The following USP25 variants were observed in gnomAD, a reference collection of about 807,000 sequenced individuals.
The protein encoded by USP25 is ubiquitin specific peptidase 25.
In USP25, 85 loss-of-function variants were observed where a neutral mutation model predicts 158.5. The ratio of observed to expected loss-of-function variants is 0.54; its 90% CI spans 0.45 to 0.64. The LOEUF (loss-of-function observed/expected upper bound fraction) is 0.64, where lower values mean the gene tolerates loss of function less well. USP25 is among the 30% of genes least tolerant of loss of function. The pLI, the probability that USP25 is intolerant of heterozygous loss-of-function variation, is 0.00. For missense variants in USP25, 1,242 were observed against 1,327.3 expected (o/e 0.94, Z 1.00); for synonymous variants, 464 against 460.4 (o/e 1.01, Z -0.10).
At chr21:15,803,549 A>G (rs1695271172) in intron 6 of USP25, among the ~76,000 whole-genome samples, 1 of 151,882 alleles carries the variant, frequency 6.6e-6, no homozygotes, top group South Asian at 2.1e-4. Context: ...GACCAAAGCT[A>G]AAATCTCATT....
rs1353881981 is a variant in USP25, at chr21:15,827,106, C to T, written c.1596C>T (p.Pro532=). ...AGTCCCGGATACCTCCAGATTTGCC[C>T]ATGCATCCGGCACCAAGGCACATAA... ...FTQSRIPPDL[P]MHPAPRHITE... Residue 532 remains proline (P), a synonymous_variant, in exon 14 of 26, where the codon CCC becomes CCT. Transcript: ENST00000400183. 1.9e-6 allele frequency: 3 copies of T among 1,614,172 alleles called. No individual in the cohort carries two copies. The highest frequency in any genetic ancestry group is 2.7e-5 in the African/African-American group (2 of 75,056).
intron 7 of USP25, 147 bp from the exon 8 acceptor site, chr21:15,808,662 G>T: frequency 2.5e-5 from 13 of 520,034 alleles, no homozygotes; most frequent in East Asian, 6.5e-5. Flanking sequence ...AAAGTTTCTT[G>T]CATTTCGTGT....
intron 4 of USP25, among the ~76,000 whole-genome samples, chr21:15,788,979 A>G (rs969639135): frequency 5.9e-5 from 9 of 151,990 alleles, no homozygotes; most frequent in African/African-American, 2.2e-4. Context: ...GAGTGCTGGG[A>G]AGATGTTGTC....
Position 15,775,739 on chromosome 21 carries a change from A to ACCCCCC in USP25, c.269-2155_269-2150dup, listed in dbSNP as rs57912569. Among the ~76,000 whole-genome samples, 70 of 14,046 alleles carry ACCCCCC rather than the reference A, an allele frequency of 5.0e-3. 2 individuals carry two copies. The highest frequency in any genetic ancestry group is 5.7e-3 in the Non-Finnish European group (44 of 7,724). The allele number at this position is 14,046 out of a possible 152,430, so 9.2% of individuals were successfully genotyped here. ...CAAAGGCAACAGGATAATGGTTGCCACCCCCCCCCCCCCCCGCCCCCGCTG... is the reference window on the plus strand; with the variant it reads ...CAAAGGCAACAGGATAATGGTTGCCACCCCCCCCCCCCCCCCCCCCCGCCCCCGCTG... On this transcript the variant is annotated intron_variant, in intron 3 of 25. Transcript: ENST00000400183.
chr21:15,870,038 A>G, intron 22 of USP25, 30 bp from the exon 23 acceptor site: 1 of 1,533,300 alleles, frequency 6.5e-7, no homozygotes, highest in South Asian at 1.2e-5. Flanking sequence ...TCTTACTCTG[A>G]ACATTTTTAA....
intron 1 of USP25, 131 bp downstream of exon 1, chr21:15,730,569 T>A (rs2030711904): frequency 1.1e-5 from 12 of 1,088,742 alleles, no homozygotes; most frequent in Non-Finnish European, 1.3e-5. Context: ...CCCCGGCCCC[T>A]GCCCATCGCC....
chr21:15,745,699 C>G (rs2032492052), intron 1 of USP25, among the ~76,000 whole-genome samples: 1 of 152,122 alleles, frequency 6.6e-6, no homozygotes, highest in African/African-American at 2.4e-5. Flanking sequence ...TGGTCTCGAA[C>G]TCGCGACCTC....
intron 20 of USP25, among the ~76,000 whole-genome samples, chr21:15,860,166 T>A (rs2039362047): frequency 6.6e-6 from 1 of 151,900 alleles, no homozygotes; most frequent in Admixed American, 6.6e-5. Context: ...TTTGTTTGTT[T>A]GTTTGAGACG....
rs759280861 is a variant in USP25, at chr21:15,777,873, T to G, written c.269-31T>G. 5 of 1,561,374 alleles carry G rather than the reference T, an allele frequency of 3.2e-6. No individual in the cohort carries two copies. In the East Asian group the frequency reaches 1.1e-4, roughly 36 times the overall value. On this transcript the variant is annotated intron_variant, in intron 3 of 25. Coordinates refer to ENST00000400183, the MANE Select transcript of USP25 (RefSeq NM_001283041.3). ...AAATCCTTTCATTTTGTTTTACTTT[T>G]AATTTTGAGAAAGATAGTTTTGCTT... is the stretch of plus-strand genomic sequence containing the variant.
At chr21:15,823,393 C>T (rs1407855294) in intron 10 of USP25, among the ~76,000 whole-genome samples, 3 of 152,000 alleles carry the variant, frequency 2.0e-5, no homozygotes, top group Non-Finnish European at 4.4e-5. Context: ...CGGCTATACT[C>T]ATTATCAGAA....
intron 24 of USP25, chr21:15,876,030 G>A (rs190054894): frequency 6.6e-6 from 1 of 152,138 alleles, no homozygotes; most frequent in African/African-American, 2.4e-5. Flanking sequence ...AAATGAAATC[G>A]GCATGTCATA....
At chr21:15,749,014 T>G (rs1263399513) in intron 1 of USP25, among the ~76,000 whole-genome samples, 1 of 150,738 alleles carries the variant, frequency 6.6e-6, no homozygotes, top group African/African-American at 2.4e-5. Flanking sequence ...TCAAGTGTGT[T>G]TTTTTTTTTA....
intron 1 of USP25, among the ~76,000 whole-genome samples, chr21:15,736,533 C>A (rs985437619): frequency 6.6e-5 from 10 of 151,956 alleles, no homozygotes; most frequent in African/African-American, 2.4e-4. Context: ...GATGGATAGA[C>A]CAAATTTTCA....
chr21:15,858,659 C>A (rs539240810), intron 20 of USP25, among the ~76,000 whole-genome samples: 1 of 151,530 alleles, frequency 6.6e-6, no homozygotes, highest in Non-Finnish European at 1.5e-5. Context: ...GGTTTTATTG[C>A]GGTGATCAGA....
chr21:15,875,994 T>C lies in USP25; in HGVS notation c.3009+1468T>C, dbSNP rs1740804044. The C allele has an allele frequency of 6.6e-6, 1 of 152,186 alleles. No homozygotes were observed. The highest frequency in any genetic ancestry group is 6.5e-5 in the Admixed American group (1 of 15,278). The allele number at this position is 152,186 out of a possible 1,614,324, so 9.4% of individuals were successfully genotyped here. On this transcript the variant is annotated intron_variant, in intron 24 of 25. Transcript: ENST00000400183. This position sits in a 1 kb window ranked among gnomAD's most constrained non-coding sequence, Gnocchi z 4.7. ...CGGAGAGTGAGGACCTCAACTCATGTAGTACGGTAGGTATGATGGTGAAGG... is the reference window on the plus strand; with the variant it reads ...CGGAGAGTGAGGACCTCAACTCATGCAGTACGGTAGGTATGATGGTGAAGG...
rs2038441846 is a variant in USP25, at chr21:15,843,568, A to G, written c.2337+1028A>G. ...TGTATTAATATATCATCTTATTAAA[A>G]TGTATTAATTTAAATAGATATTTGA... On this transcript the variant is annotated intron_variant, in intron 18 of 25. Coordinates refer to ENST00000400183, the MANE Select transcript of USP25 (RefSeq NM_001283041.3). The surrounding 1 kb of genome is among the most constrained non-coding windows in gnomAD (Gnocchi z 4.0). Among the ~76,000 whole-genome samples the G allele has an allele frequency of 6.6e-6, 1 of 152,220 alleles. No homozygotes were observed. The highest frequency in any genetic ancestry group is 6.5e-5 in the Admixed American group (1 of 15,280).
chr21:15,806,378 C>G (rs933835386), intron 7 of USP25, among the ~76,000 whole-genome samples: 6 of 150,580 alleles, frequency 4.0e-5, no homozygotes, highest in African/African-American at 1.5e-4. Context: ...CTTCTGTTCT[C>G]TGACTTATCT....
At chr21:15,805,297 A>C (rs764549179) in intron 7 of USP25, 39 bp downstream of exon 7, 1 of 1,532,578 alleles carries the variant, frequency 6.5e-7, no homozygotes. Context: ...AACCATTTGT[A>C]TTTAATCTGA....
intron 5 of USP25, among the ~76,000 whole-genome samples, chr21:15,795,339 A>G (rs902060099): frequency 1.3e-5 from 2 of 151,584 alleles, no homozygotes; most frequent in African/African-American, 2.4e-5. Context: ...GGAGTTGTCA[A>G]TTGCTACCTT....
Sources: allele counts gnomAD v4.1 joint callset (sites outside exome capture counted in the v4.1 genomes callset), GRCh38; gene constraint gnomAD v4.1.1; non-coding constraint Gnocchi (gnomAD v3.1); transcripts MANE v1.5; gene names NCBI Gene and HGNC (gene_info 2026-07-23, HGNC 2026-07-21).